CHRNB3: variants seen among roughly 807,000 people sequenced by gnomAD.
CHRNB3 encodes the protein neuronal acetylcholine receptor subunit beta-3.
A neutral mutation model predicts 40.6 loss-of-function variants in CHRNB3; 37 were observed. The observed-to-expected ratio is 0.91, with a 90% CI of 0.70 to 1.20. CHRNB3 has a LOEUF of 1.20. Ranked by LOEUF, CHRNB3 falls within the 50% of genes most tolerant of loss-of-function variation. The pLI is 0.00. For synonymous variants in CHRNB3, 207 were observed against 207.1 expected, an observed-to-expected ratio of 1.00 and a Z score of 0.00; for missense variants, 505 against 551.2, an observed-to-expected ratio of 0.92 and a Z score of 0.84.
intron 3 of CHRNB3, among the ~76,000 whole-genome samples, chr8:42,723,122 A>T (rs2128907544): frequency 6.6e-6 from 1 of 151,072 alleles, no homozygotes; most frequent in South Asian, 2.1e-4. Context: ...ATATCCTATT[A>T]CTTAGATATT....
intron 3 of CHRNB3, among the ~76,000 whole-genome samples, chr8:42,727,171 G>A (rs1816325541): frequency 6.6e-6 from 1 of 152,000 alleles, no homozygotes; most frequent in Non-Finnish European, 1.5e-5. Context: ...TCAGGAGTTC[G>A]AGACCAGCCT....
Position 42,730,667 on chromosome 8 carries a change from A to G in CHRNB3, c.323A>G (p.Glu108Gly). Residue 108 changes from glutamate to glycine, a missense_variant, in exon 4 of 6, where the codon GAA becomes GGA. Transcript: ENST00000289957. ...ATCCATTCCATTAAAGTTCCATCAG[A>G]ATCTCTGTGGCTTCCTGACATAGTT... ...GGIHSIKVPS[E>G]SLWLPDIVLF... 1 of 1,609,502 alleles carries G rather than the reference A, an allele frequency of 6.2e-7. No individual in the cohort carries two copies. The highest frequency in any genetic ancestry group is 8.5e-7 in the Non-Finnish European group (1 of 1,176,608).
chr8:42,720,432 C>T (rs1816202778), intron 3 of CHRNB3, among the ~76,000 whole-genome samples: 1 of 151,968 alleles, frequency 6.6e-6, no homozygotes, highest in African/African-American at 2.4e-5. Context: ...GCTTCTTACC[C>T]TGCATGTTTA....
At chr8:42,708,603 T>G in intron 1 of CHRNB3, 114 bp from the exon 2 acceptor site, 1 of 1,221,766 alleles carries the variant, frequency 8.2e-7, no homozygotes, top group Non-Finnish European at 1.2e-6. Context: ...CTGGGCTGTT[T>G]AGAAACAGAC....
At chr8:42,725,089 C>CTTTTT (rs572194650) in intron 3 of CHRNB3, among the ~76,000 whole-genome samples, 1 of 136,492 alleles carries the variant, frequency 7.3e-6, no homozygotes, top group Non-Finnish European at 1.6e-5. Context: ...TTCTTTCTTT[C>CTTTTT]TTTTTTTTTT....
At chr8:42,729,203 C>G (rs28451150) in intron 3 of CHRNB3, among the ~76,000 whole-genome samples, 1 of 151,854 alleles carries the variant, frequency 6.6e-6, no homozygotes, top group East Asian at 1.9e-4. Flanking sequence ...GTCAGGAGAT[C>G]GAGAGCATCC....
rs869178430 is a variant in CHRNB3 at position 42,720,111 on chromosome 8, C to CTTTTTTT, written c.249+9705_249+9711dup. Reference sequence around the variant, plus strand: ...CAACCCTGCCCCACTCAGAAGCCTTCTTTTTTTTTTTTTTTTTTTTTTTTT... The same window carrying CTTTTTTT: ...CAACCCTGCCCCACTCAGAAGCCTTCTTTTTTTTTTTTTTTTTTTTTTTTTTTTTTTT... On this transcript the variant is annotated intron_variant, in intron 3 of 5. Transcript: ENST00000289957. Among the ~76,000 whole-genome samples the CTTTTTTT allele has an allele frequency of 4.1e-3, 198 of 48,800 alleles. 37 individuals carry two copies. The highest frequency in any genetic ancestry group is 8.7e-3 in the African/African-American group (98 of 11,214). 32.0% of individuals were successfully genotyped at this position (48,800 alleles called of 152,430 possible).
chr8:42,718,792 A>G (rs1181327409), intron 3 of CHRNB3, among the ~76,000 whole-genome samples: 1 of 151,946 alleles, frequency 6.6e-6, no homozygotes, highest in East Asian at 1.9e-4. Context: ...GTTTAGCTAG[A>G]CATTTATGAG....
intron 3 of CHRNB3, among the ~76,000 whole-genome samples, chr8:42,719,760 A>G (rs1349743124): frequency 6.6e-6 from 1 of 152,112 alleles, no homozygotes; most frequent in Admixed American, 6.6e-5. Flanking sequence ...ATGCTCTCTC[A>G]CCCTTGCAAA....
rs779682255 is a variant in CHRNB3 at position 42,736,561 on chromosome 8, AG to A, written c.1322del (p.Gly441AlafsTer4). 2 of 1,614,060 alleles carry A rather than the reference AG, an allele frequency of 1.2e-6. No individual in the cohort carries two copies. The highest frequency in any genetic ancestry group is 2.7e-5 in the African/African-American group (2 of 74,930). On this transcript the variant is annotated frameshift_variant, in exon 6 of 6. Coordinates refer to ENST00000289957, the MANE Select transcript of CHRNB3 (RefSeq NM_000749.5). LOFTEE classifies it high-confidence loss of function. ...LWLFLIVSVT[G>X]SVLIFTPALK... Reference sequence around the variant, plus strand: ...GGCTCTTTCTGATAGTGTCAGTAACAGGCTCGGTTCTGATTTTTACCCCTGC... The same window carrying A: ...GGCTCTTTCTGATAGTGTCAGTAACAGCTCGGTTCTGATTTTTACCCCTGC...
At chr8:42,725,762 G>A in intron 3 of CHRNB3, 1 of 919,326 alleles carries the variant, frequency 1.1e-6, no homozygotes, top group Non-Finnish European at 1.8e-6. Context: ...ACCTTGACTT[G>A]TCCACGTTTC....
chr8:42,704,264 G>A (rs1162636320), intron 1 of CHRNB3: 1 of 152,122 alleles, frequency 6.6e-6, no homozygotes, highest in African/African-American at 2.4e-5. Context: ...CACGTTGGGG[G>A]TTAGGGCTTA....
At chr8:42,731,517 C>G in intron 4 of CHRNB3, 150 bp from the exon 5 acceptor site, 1 of 868,484 alleles carries the variant, frequency 1.2e-6, no homozygotes, top group South Asian at 1.9e-5. Flanking sequence ...ATGGCGCCAC[C>G]GCACTCCAGC....
At chr8:42,728,201 C>T (rs1217979092) in intron 3 of CHRNB3, among the ~76,000 whole-genome samples, 1 of 152,140 alleles carries the variant, frequency 6.6e-6, no homozygotes, top group Non-Finnish European at 1.5e-5. Flanking sequence ...TGAAGATATT[C>T]ATGATTAGTC....
At chr8:42,716,493 T>A (rs2128906558) in intron 3 of CHRNB3, among the ~76,000 whole-genome samples, 1 of 152,212 alleles carries the variant, frequency 6.6e-6, no homozygotes, top group Non-Finnish European at 1.5e-5. Flanking sequence ...GCAGCAGAGA[T>A]ACTGCTCCCT....
At chr8:42,730,996 C>G (rs903397012) in intron 4 of CHRNB3, among the ~76,000 whole-genome samples, 2 of 139,758 alleles carry the variant, frequency 1.4e-5, no homozygotes, top group South Asian at 2.3e-4. Context: ...TGCAGTGAGC[C>G]GAGATTGCGC....
chr8:42,725,271 G>A (rs1379044421), intron 3 of CHRNB3, among the ~76,000 whole-genome samples: 1 of 151,528 alleles, frequency 6.6e-6, no homozygotes, highest in African/African-American at 2.4e-5. Flanking sequence ...TGTATTTTTA[G>A]TAGAGATGGG....
At chr8:42,717,356 A>G (rs1343326468) in intron 3 of CHRNB3, among the ~76,000 whole-genome samples, 1 of 113,316 alleles carries the variant, frequency 8.8e-6, no homozygotes, top group African/African-American at 3.3e-5. Flanking sequence ...CCTGGGTGAC[A>G]GAGCGAGACT....
At chr8:42,717,901 C>T (rs1286855250) in intron 3 of CHRNB3, among the ~76,000 whole-genome samples, 1 of 147,016 alleles carries the variant, frequency 6.8e-6, no homozygotes, top group Admixed American at 6.9e-5. Flanking sequence ...GGCACAATCT[C>T]GGCTCACCAC....
Sources: gnomAD v4.1 joint callset for allele counts (sites outside exome capture counted in the v4.1 genomes callset) on GRCh38, gnomAD v4.1.1 for gene constraint, MANE v1.5 for transcripts, NCBI Gene and HGNC (gene_info 2026-07-23, HGNC 2026-07-21) for gene names.